GSPT1: variants seen among roughly 807,000 people sequenced by gnomAD.
The protein encoded by GSPT1 is eukaryotic peptide chain release factor GTP-binding subunit ERF3A.
In GSPT1, 20 loss-of-function variants were observed where a neutral mutation model predicts 72.5. That is an observed-to-expected ratio of 0.28 (90% CI 0.19 to 0.40). The LOEUF is 0.40. Ranked by LOEUF, GSPT1 falls within the 10% of genes least tolerant of loss-of-function variation. GSPT1 has a pLI of 1.00. For synonymous variants in GSPT1, 334 were observed against 293.5 expected, an observed-to-expected ratio of 1.14 and a Z score of -1.41; for missense variants, 580 against 811.9, an observed-to-expected ratio of 0.71 and a Z score of 3.47.
At chr16:11,915,299 C>G in intron 1 of GSPT1, 70 bp downstream of exon 1, 2 of 1,335,144 alleles carry the variant, frequency 1.5e-6, no homozygotes, top group Non-Finnish European at 1.9e-6. Flanking sequence ...CGCGCGCCCC[C>G]GGACCGCACC....
At position 11,875,741 on chromosome 16, in the gene GSPT1, G is replaced by A. The variant is rs1179225881; in HGVS notation, c.1861+20C>T. 11 of 1,573,620 alleles carry A rather than the reference G, an allele frequency of 7.0e-6. No homozygotes were observed. Among genetic ancestry groups the A allele is most frequent in the African/African-American group, 1.4e-5 (1 of 72,784 alleles). On this transcript the variant is annotated intron_variant, in intron 14 of 14. Coordinates refer to ENST00000434724, the MANE Select transcript of GSPT1 (RefSeq NM_002094.4). Reference sequence around the variant, plus strand: ...AGGTATCCTGGATATACTACTAGACGTCAGTTTAAAAGCTCTTACCCTCAT... The same window carrying A: ...AGGTATCCTGGATATACTACTAGACATCAGTTTAAAAGCTCTTACCCTCAT...
chr16:11,903,551 G>A (rs2054444806), intron 1 of GSPT1, among the ~76,000 whole-genome samples: 1 of 152,090 alleles, frequency 6.6e-6, no homozygotes, highest in Admixed American at 6.6e-5. Flanking sequence ...GCTGGGTGTG[G>A]TAGCACATGT....
intron 1 of GSPT1, among the ~76,000 whole-genome samples, chr16:11,903,638 C>T (rs530512388): frequency 7.2e-4 from 110 of 152,252 alleles, no homozygotes; most frequent in African/African-American, 2.6e-3. Context: ...CTGCAGTGAA[C>T]CAAGATCGCA....
rs1396000095 is a variant in GSPT1 at position 11,870,830 on chromosome 16, G to C, written c.*2289C>G. ...AGTTACATTTGTATTTGTATGACCT[G>C]TTACTTTTTAGAGGTAGGCCCTTCA... On this transcript the variant is annotated 3_prime_UTR_variant, in exon 15 of 15. Coordinates refer to ENST00000434724, the MANE Select transcript of GSPT1 (RefSeq NM_002094.4). 2 of 152,184 alleles carry C rather than the reference G, an allele frequency of 1.3e-5. No homozygotes were observed. Among genetic ancestry groups the C allele is most frequent in the African/African-American group, 4.8e-5 (2 of 41,452 alleles). 9.4% of individuals were successfully genotyped at this position (152,184 alleles called of 1,614,324 possible).
chr16:11,913,178 C>T (rs140917045), intron 1 of GSPT1, among the ~76,000 whole-genome samples: 2 of 152,224 alleles, frequency 1.3e-5, no homozygotes, highest in African/African-American at 2.4e-5. Flanking sequence ...TTCTCCGATG[C>T]TGGCTTTTTA....
chr16:11,886,215 G>A (rs2054185288), intron 9 of GSPT1, among the ~76,000 whole-genome samples: 1 of 151,998 alleles, frequency 6.6e-6, no homozygotes, highest in African/African-American at 2.4e-5. Flanking sequence ...TAATCATATT[G>A]TAGCTGATAA....
At chr16:11,912,302 C>T (rs1034580324) in intron 1 of GSPT1, among the ~76,000 whole-genome samples, 1 of 145,570 alleles carries the variant, frequency 6.9e-6, no homozygotes, top group Non-Finnish European at 1.5e-5. Flanking sequence ...CAGCCGAGAT[C>T]GTGCCATTGC....
chr16:11,902,557 C>T (rs1166813504), intron 1 of GSPT1, among the ~76,000 whole-genome samples: 1 of 151,674 alleles, frequency 6.6e-6, no homozygotes, highest in East Asian at 1.9e-4. Flanking sequence ...ACCAGTACTG[C>T]CTGTGATACA....
At chr16:11,890,393 A>G (rs868154841) in intron 6 of GSPT1, among the ~76,000 whole-genome samples, 16 of 152,216 alleles carry the variant, frequency 1.1e-4, no homozygotes, top group African/African-American at 3.6e-4. Context: ...GCAAAAATTC[A>G]TATAAATTCA....
intron 1 of GSPT1, chr16:11,904,124 A>T (rs2054454196): frequency 4.4e-6 from 1 of 228,524 alleles, no homozygotes; most frequent in South Asian, 8.1e-5. Context: ...TTTTGGCAAC[A>T]CTTCGGGAGC....
rs2054624919 is a variant in GSPT1 at position 11,915,659 on chromosome 16, C to A, written c.62G>T (p.Ser21Ile). ...GGGGGGSSSG[S>I]SSSDSAPDCW... ...GTCAGGCGCCGAGTCGCTGCTGCTGCTGCCGCTGCTGCTCCCGCCGCCGCC... is the reference window on the plus strand; with the variant it reads ...GTCAGGCGCCGAGTCGCTGCTGCTGATGCCGCTGCTGCTCCCGCCGCCGCC... Residue 21 changes from serine to isoleucine, a missense_variant, in exon 1 of 15, where the codon AGC becomes ATC. By Grantham distance (142) the Ser-to-Ile change is moderately radical (BLOSUM62 -2). Around this residue, in one of 6 missense-constraint regions of GSPT1, gnomAD observed 327 missense variants for 298.8 expected, o/e 1.09. Transcript: ENST00000434724. The A allele has an allele frequency of 6.7e-7, 1 of 1,487,184 alleles. No homozygotes were observed. 92.1% of individuals were successfully genotyped at this position (1,487,184 alleles called of 1,614,324 possible). A position where few individuals can be genotyped will look rare whatever the true frequency, so the allele number is the denominator to read the frequency against.
At chr16:11,910,927 TCA>T (rs1448065899) in intron 1 of GSPT1, among the ~76,000 whole-genome samples, 2 of 152,124 alleles carry the variant, frequency 1.3e-5, no homozygotes, top group Non-Finnish European at 2.9e-5. Flanking sequence ...CCCTAAATCC[TCA>T]GTCTCAAGCC....
rs138498381 is a variant in GSPT1 at position 11,874,988 on chromosome 16, A to G, written c.1861+773T>C. Among the ~76,000 whole-genome samples, 400 of 152,266 alleles carry G rather than the reference A, an allele frequency of 2.6e-3. 3 individuals are homozygous for G. Among genetic ancestry groups the G allele is most frequent in the South Asian group, 6.8e-3 (33 of 4,828 alleles). ...GGGCGGATCACGAGGTCAGGAGATC[A>G]AGACCATCCTGGCTAACGTGGTGAA... On this transcript the variant is annotated intron_variant, in intron 14 of 14. Coordinates refer to ENST00000434724, the MANE Select transcript of GSPT1 (RefSeq NM_002094.4).
At chr16:11,883,498 TAATCCCAGCTACTCC>T (rs1281633289) in intron 10 of GSPT1, among the ~76,000 whole-genome samples, 1 of 143,154 alleles carries the variant, frequency 7.0e-6, no homozygotes, top group Non-Finnish European at 1.5e-5. Flanking sequence ...GGAATGCCTG[TAATCCCAGCTACTCC>T]AGAGGCTGAA....
At chr16:11,909,120 A>T (rs2150890981) in intron 1 of GSPT1, among the ~76,000 whole-genome samples, 1 of 152,126 alleles carries the variant, frequency 6.6e-6, no homozygotes, top group South Asian at 2.1e-4. Flanking sequence ...AGCGACATAC[A>T]ATTACCTAGT....
chr16:11,892,228 A>C (rs1310490260), intron 5 of GSPT1, among the ~76,000 whole-genome samples: 2 of 151,786 alleles, frequency 1.3e-5, no homozygotes, highest in South Asian at 2.1e-4. Context: ...CTGTATTCCT[A>C]GCTACTTGGG....
chr16:11,879,106 T>TAA (rs34049247), intron 11 of GSPT1, among the ~76,000 whole-genome samples: 28 of 149,166 alleles, frequency 1.9e-4, no homozygotes, highest in South Asian at 8.5e-4. Flanking sequence ...ATAATAATAA[T>TAA]AAAAAAAAGG....
intron 5 of GSPT1, among the ~76,000 whole-genome samples, chr16:11,891,922 A>G (rs904540842): frequency 6.6e-6 from 1 of 151,820 alleles, no homozygotes; most frequent in East Asian, 1.9e-4. Flanking sequence ...CAGCCTCCCA[A>G]AGTGCTGGGA....
At chr16:11,908,113 A>T (rs1034762154) in intron 1 of GSPT1, 11 of 152,246 alleles carry the variant, frequency 7.2e-5, no homozygotes, top group African/African-American at 2.2e-4. Context: ...ATGGTGGTGC[A>T]CACGTGTAAT....
Sources: allele counts gnomAD v4.1 joint callset (sites outside exome capture counted in the v4.1 genomes callset), GRCh38; gene constraint gnomAD v4.1.1; regional missense constraint gnomAD v4.1.1; transcripts MANE v1.5; gene names NCBI Gene and HGNC (gene_info 2026-07-23, HGNC 2026-07-21).